Variants in CLCN6 observed in about 807,000 individuals in gnomAD.
CLCN6 encodes Cl-/H+ antiporter 6.
A neutral mutation model predicts 109.8 loss-of-function variants in CLCN6; 70 were observed. The observed-to-expected ratio is 0.64, with a 90% CI of 0.53 to 0.78. The LOEUF is 0.78. Ranked by LOEUF, CLCN6 falls within the 30% of genes least tolerant of loss-of-function variation. CLCN6 has a pLI of 0.00. For synonymous variants in CLCN6, 444 were observed against 447.8 expected (o/e 0.99, Z 0.11); for missense variants, 984 against 1,142.3 (o/e 0.86, Z 2.00).
Position 11,834,258 on chromosome 1 carries a change from T to C in CLCN6, c.1549T>C (p.Tyr517His), listed in dbSNP as rs772004824. 5.6e-6 allele frequency: 9 copies of C among 1,613,826 alleles called. No homozygotes were observed. In the Admixed American group the frequency reaches 1.5e-4, roughly 27 times the overall value. ...LKSYIGLGHIYSGTFALIGAA... is the reference protein window; with the variant it reads ...LKSYIGLGHIHSGTFALIGAA... Reference sequence around the variant, plus strand: ...TAGCTACATTGGATTGGGCCACATCTATTCGGGGACCTTTGCCCTGATTGG... The same window carrying C: ...TAGCTACATTGGATTGGGCCACATCCATTCGGGGACCTTTGCCCTGATTGG... The change falls in exon 16 of 23, where the codon TAT (tyrosine) becomes CAT (histidine). Residue 517 changes from tyrosine (Y) to histidine (H), a missense_variant. Tyr to His is a moderately conservative substitution (Grantham distance 83, BLOSUM62 2). Transcript: ENST00000346436. This position sits in a 1 kb window ranked among gnomAD's most constrained non-coding sequence, Gnocchi z 4.5.
intron 5 of CLCN6, among the ~76,000 whole-genome samples, chr1:11,821,159 A>T (rs77122243): frequency 6.6e-6 from 1 of 152,246 alleles, no homozygotes; most frequent in South Asian, 2.1e-4. Flanking sequence ...AAAGACAAAA[A>T]CTCCAAATAA....
chr1:11,812,150 C>T (rs1007026708), intron 2 of CLCN6, among the ~76,000 whole-genome samples: 6 of 152,156 alleles, frequency 3.9e-5, no homozygotes, highest in Non-Finnish European at 8.8e-5. Context: ...CTGCATTTCT[C>T]AGCAGCTGGC....
chr1:11,809,653 T>C (rs1365456552), intron 2 of CLCN6, among the ~76,000 whole-genome samples: 1 of 152,166 alleles, frequency 6.6e-6, no homozygotes, highest in East Asian at 1.9e-4. Flanking sequence ...AGATGGGGTT[T>C]CACCATGTTG....
chr1:11,818,811 C>T (rs560371958), intron 4 of CLCN6, among the ~76,000 whole-genome samples: 135 of 152,270 alleles, frequency 8.9e-4, no homozygotes, highest in African/African-American at 3.1e-3. Flanking sequence ...TGGGGTGTGC[C>T]TGTAATCCCA....
intron 2 of CLCN6, among the ~76,000 whole-genome samples, chr1:11,812,785 G>T (rs1296091511): frequency 6.7e-6 from 1 of 150,160 alleles, no homozygotes; most frequent in African/African-American, 2.5e-5. Flanking sequence ...CTCACACTTT[G>T]TCTCTCCCAA....
chr1:11,831,320 A>G (rs1644881390), intron 13 of CLCN6, among the ~76,000 whole-genome samples: 1 of 150,932 alleles, frequency 6.6e-6, no homozygotes, highest in Non-Finnish European at 1.5e-5. Context: ...CCATTCCCAG[A>G]TAATTTTTGT....
At chr1:11,836,197 G>T (rs150938018) in intron 18 of CLCN6, 44 bp downstream of exon 18, 1 of 1,564,556 alleles carries the variant, frequency 6.4e-7, no homozygotes, top group East Asian at 2.3e-5. Context: ...AGAGACAAGC[G>T]GTCCCGTCTC....
chr1:11,817,454 C>T (rs551547841), intron 4 of CLCN6, among the ~76,000 whole-genome samples: 1 of 152,198 alleles, frequency 6.6e-6, no homozygotes, highest in South Asian at 2.1e-4. Context: ...AGGGATATGC[C>T]CGTATGAACA....
chr1:11,821,724 T>C (rs1404129738), intron 5 of CLCN6, among the ~76,000 whole-genome samples: 1 of 152,214 alleles, frequency 6.6e-6, no homozygotes, highest in Non-Finnish European at 1.5e-5. Context: ...CATACATTCC[T>C]CTTAGAAATT....
At chr1:11,818,105 A>T (rs76861476) in intron 4 of CLCN6, among the ~76,000 whole-genome samples, 1 of 139,326 alleles carries the variant, frequency 7.2e-6, no homozygotes, top group Non-Finnish European at 1.7e-5. Context: ...CCTTAAAAAT[A>T]AAAAAAAAAT....
In CLCN6 at chr1:11,822,665, G is replaced by T. The variant is rs1173514458; in HGVS notation, c.347-30G>T. The T allele has an allele frequency of 6.4e-6, 9 of 1,410,762 alleles. No individual in the cohort carries two copies. In the Admixed American group the frequency reaches 1.2e-4, roughly 18 times the overall value. 87.4% of individuals were successfully genotyped at this position (1,410,762 alleles called of 1,614,324 possible). A position where few individuals can be genotyped will look rare whatever the true frequency, so the allele number is the denominator to read the frequency against. On this transcript the variant is annotated intron_variant, in intron 5 of 22. Coordinates refer to ENST00000346436, the MANE Select transcript of CLCN6 (RefSeq NM_001286.5). ...ATGACGGGGACACCCCTCGGCTGAT[G>T]AACAAGTTTCCTTAACCCAGTTTCC...
chr1:11,816,702 G>A (rs772309052), intron 4 of CLCN6, 22 bp downstream of exon 4: 2 of 1,603,912 alleles, frequency 1.2e-6, no homozygotes, highest in East Asian at 2.2e-5. Flanking sequence ...GGGCCTGGAG[G>A]GATGGTGGGC....
rs551857871 is a variant in CLCN6 at position 11,819,532 on chromosome 1, C to T, written c.324C>T (p.Leu108=). The change falls in exon 5 of 23, where the codon CTC becomes CTT. Residue 108 remains leucine (L), a synonymous_variant. Coordinates refer to ENST00000346436, the MANE Select transcript of CLCN6 (RefSeq NM_001286.5). ...VDFFVRLFTQ[L]KFGVVQTSVE... is the part of the protein sequence containing the mutation. The stretch of plus-strand genomic sequence containing the variant: ...TTTTTGTGCGACTCTTCACCCAACT[C>T]AAGTTCGGAGTGGTACAGACATGTA... 11 of 1,614,204 alleles carry T rather than the reference C, an allele frequency of 6.8e-6. No individual in the cohort carries two copies. In the African/African-American group the frequency reaches 9.3e-5, roughly 14 times the overall value.
Position 11,824,490 on chromosome 1 carries a change from C to G in CLCN6, c.585C>G (p.Leu195=). 1.9e-6 allele frequency: 3 copies of G among 1,613,644 alleles called. No homozygotes were observed. Among genetic ancestry groups the G allele is most frequent in the Non-Finnish European group, 2.5e-6 (3 of 1,179,696 alleles). Residue 195 remains leucine (L), a synonymous_variant, in exon 8 of 23, where the codon CTC becomes CTG. Transcript: ENST00000346436. ...LGVLFSVAGG[L]FVEKEGPMIH... ...TTCCTTTTTCACCCTGCCCAGGGCT[C>G]TTCGTGGAGAAGGAAGGCCCCATGA...
rs778208569 is a variant in CLCN6 at position 11,833,547 on chromosome 1, A to AT, written c.1288dup (p.Cys430LeufsTer4). 6.2e-7 allele frequency: 1 copy of AT among 1,613,878 alleles called. No homozygotes were observed. Among genetic ancestry groups the AT allele is most frequent in the Admixed American group, 1.7e-5 (1 of 60,006 alleles). On this transcript the variant is annotated frameshift_variant, in exon 14 of 23. Transcript: ENST00000346436. LOFTEE classifies it high-confidence loss of function. ...AAGATGTGAATTCAAGTATCAAGAC[A>AT]TTTTTTTGTCCCAATGATACCTACA... is the stretch of plus-strand genomic sequence containing the variant.
In CLCN6 at chr1:11,837,039, G is replaced by T; in HGVS notation, c.2021G>T (p.Arg674Leu). 6.2e-7 allele frequency: 1 copy of T among 1,612,692 alleles called. No individual in the cohort carries two copies. Among genetic ancestry groups the T allele is most frequent in the Non-Finnish European group, 8.5e-7 (1 of 1,180,012 alleles). ...ACCCGGGCTGGCGAGCAGCGCAAAC[G>T]GAGCCAGTCCATGAAGTCCTACCCA... ...ILTRAGEQRK[R>L]SQSMKSYPSS... is the part of the protein sequence containing the mutation. Residue 674 changes from arginine (R) to leucine (L), a missense_variant, in exon 19 of 23, where the codon CGG becomes CTG. Coordinates refer to ENST00000346436, the MANE Select transcript of CLCN6 (RefSeq NM_001286.5).
chr1:11,810,352 C>T (rs867238976), intron 2 of CLCN6, among the ~76,000 whole-genome samples: 9 of 152,144 alleles, frequency 5.9e-5, no homozygotes, highest in Non-Finnish European at 8.8e-5. Flanking sequence ...TCATGCAGGT[C>T]ACACAGTCTA....
intron 2 of CLCN6, among the ~76,000 whole-genome samples, chr1:11,809,655 A>C (rs1454297196): frequency 6.6e-6 from 1 of 152,020 alleles, no homozygotes; most frequent in Non-Finnish European, 1.5e-5. Context: ...ATGGGGTTTC[A>C]CCATGTTGGT....
At chr1:11,808,378 T>C (rs547884524) in intron 2 of CLCN6, among the ~76,000 whole-genome samples, 1 of 152,048 alleles carries the variant, frequency 6.6e-6, no homozygotes, top group African/African-American at 2.4e-5. Context: ...ACAGTCATGA[T>C]CTACCATACC....
Sources: gnomAD v4.1 joint callset for allele counts (sites outside exome capture counted in the v4.1 genomes callset) on GRCh38, gnomAD v4.1.1 for gene constraint, Gnocchi (gnomAD v3.1) non-coding constraint, MANE v1.5 for transcripts, NCBI Gene and HGNC (gene_info 2026-07-23, HGNC 2026-07-21) for gene names.